Variants in SARNP observed in about 807,000 individuals in gnomAD.
SARNP encodes the protein SAP domain-containing ribonucleoprotein.
A neutral mutation model predicts 38.1 loss-of-function variants in SARNP; 5 were observed. The ratio of observed to expected loss-of-function variants is 0.13; its 90% CI spans 0.07 to 0.28. The LOEUF (loss-of-function observed/expected upper bound fraction) is 0.28. SARNP is among the 10% of genes least tolerant of loss of function. SARNP has a pLI of 1.00. For missense variants in SARNP, 180 were observed against 243.9 expected (o/e 0.74, Z 1.75); for synonymous variants, 84 against 80.6 (o/e 1.04, Z -0.23).
At chr12:55,800,292 A>C (rs1241052709) in intron 4 of SARNP, among the ~76,000 whole-genome samples, 2 of 152,194 alleles carry the variant, frequency 1.3e-5, no homozygotes, top group African/African-American at 4.8e-5. Context: ...GTGACCCTAC[A>C]AAAGAACAAC....
chr12:55,780,506 G>C (rs191980843), intron 9 of SARNP, among the ~76,000 whole-genome samples: 7 of 150,838 alleles, frequency 4.6e-5, no homozygotes, highest in African/African-American at 1.7e-4. Context: ...GAAAAGAAAA[G>C]AAAAGAAAGA....
At chr12:55,761,437 C>T (rs543344219) in intron 9 of SARNP, 1 of 152,302 alleles carries the variant, frequency 6.6e-6, no homozygotes, top group Non-Finnish European at 1.5e-5. Context: ...CCAGCAAAGC[C>T]ATAGAAGGCT....
intron 9 of SARNP, among the ~76,000 whole-genome samples, chr12:55,776,769 A>AT (rs1879194749): frequency 6.6e-6 from 1 of 152,214 alleles, no homozygotes; most frequent in Admixed American, 6.5e-5. Context: ...ATATAATGTA[A>AT]TTTTTAAAAT....
intron 10 of SARNP, among the ~76,000 whole-genome samples, chr12:55,758,738 C>T (rs1477375734): frequency 1.3e-5 from 2 of 152,056 alleles, no homozygotes; most frequent in African/African-American, 4.8e-5. Flanking sequence ...TAAGGCCTTC[C>T]ACCATGATTG....
intron 1 of SARNP, among the ~76,000 whole-genome samples, chr12:55,811,050 C>A (rs1324539512): frequency 6.7e-6 from 1 of 150,364 alleles, no homozygotes; most frequent in Non-Finnish European, 1.5e-5. Flanking sequence ...CCACTGCACT[C>A]CAGCCTGGGT....
At chr12:55,799,622 C>T (rs565823009) in intron 4 of SARNP, among the ~76,000 whole-genome samples, 7 of 147,696 alleles carry the variant, frequency 4.7e-5, no homozygotes, top group African/African-American at 1.5e-4. Context: ...GCCACAGTCT[C>T]GGCTCACTGC....
chr12:55,809,893 G>C (rs1880274558), intron 1 of SARNP, among the ~76,000 whole-genome samples: 1 of 152,238 alleles, frequency 6.6e-6, no homozygotes, highest in South Asian at 2.1e-4. Flanking sequence ...GGTTGAATCT[G>C]AGAAGAGGAA....
At chr12:55,773,649 C>T (rs1879076307) in intron 9 of SARNP, among the ~76,000 whole-genome samples, 1 of 152,174 alleles carries the variant, frequency 6.6e-6, no homozygotes, top group African/African-American at 2.4e-5. Flanking sequence ...TTTTTTCCTA[C>T]AGAACTGACA....
intron 9 of SARNP, among the ~76,000 whole-genome samples, chr12:55,779,432 G>A (rs1327886852): frequency 6.6e-6 from 1 of 152,206 alleles, no homozygotes; most frequent in Non-Finnish European, 1.5e-5. Context: ...AGGCACTGCT[G>A]CTTGAGTATA....
chr12:55,764,767 G>T (rs377418584), intron 9 of SARNP, among the ~76,000 whole-genome samples: 2 of 149,432 alleles, frequency 1.3e-5, no homozygotes, highest in African/African-American at 5.0e-5. Context: ...GAGAGGCGGA[G>T]GTTGCAGGGA....
intron 1 of SARNP, among the ~76,000 whole-genome samples, chr12:55,812,425 CTG>C (rs1192438124): frequency 6.6e-6 from 1 of 152,228 alleles, no homozygotes; most frequent in Non-Finnish European, 1.5e-5. Context: ...GATTTTGTCT[CTG>C]TTGTTCACTG....
intron 1 of SARNP, 52 bp from the exon 2 acceptor site, chr12:55,803,780 G>C: frequency 8.5e-7 from 1 of 1,176,718 alleles, no homozygotes; most frequent in African/African-American, 1.5e-5. Context: ...GAACACCAGT[G>C]AATAAAATGG....
intron 1 of SARNP, among the ~76,000 whole-genome samples, chr12:55,814,408 T>A (rs1880422180): frequency 6.6e-6 from 1 of 152,176 alleles, no homozygotes; most frequent in African/African-American, 2.4e-5. Flanking sequence ...ACCAATATAT[T>A]TCCTCACTTC....
chr12:55,772,299 T>C (rs962302927), intron 9 of SARNP, among the ~76,000 whole-genome samples: 2 of 152,164 alleles, frequency 1.3e-5, no homozygotes, highest in Admixed American at 1.3e-4. Context: ...ATCAACTTTC[T>C]AGGGCTGGTA....
intron 9 of SARNP, among the ~76,000 whole-genome samples, chr12:55,769,376 G>C (rs1285475062): frequency 2.6e-5 from 4 of 152,134 alleles, no homozygotes; most frequent in African/African-American, 7.2e-5. Flanking sequence ...AACTTCACGA[G>C]GCTTATGAAT....
chr12:55,810,150 T>C (rs974422814), intron 1 of SARNP, among the ~76,000 whole-genome samples: 1 of 152,212 alleles, frequency 6.6e-6, no homozygotes, highest in African/African-American at 2.4e-5. Flanking sequence ...TTTTGCTCTG[T>C]TGCCCAGACT....
intron 9 of SARNP, among the ~76,000 whole-genome samples, chr12:55,768,247 T>G (rs1308437725): frequency 6.6e-6 from 1 of 151,686 alleles, no homozygotes; most frequent in Non-Finnish European, 1.5e-5. Context: ...TGCCCCAGCC[T>G]CCCAAGTAGC....
intron 1 of SARNP, chr12:55,815,986 T>A (rs1433065607): frequency 6.6e-6 from 1 of 152,258 alleles, no homozygotes; most frequent in African/African-American, 2.4e-5. Context: ...GAGCAAGTCC[T>A]TTTTAGGCTG....
chr12:55,783,103 C>G (rs1478223122), intron 9 of SARNP, among the ~76,000 whole-genome samples: 2 of 152,050 alleles, frequency 1.3e-5, no homozygotes, highest in Non-Finnish European at 2.9e-5. Flanking sequence ...GAGTTAGACC[C>G]TGTCTTAAAA....
Sources: allele counts gnomAD v4.1 joint callset (sites outside exome capture counted in the v4.1 genomes callset), GRCh38; gene constraint gnomAD v4.1.1; transcripts MANE v1.5; gene names NCBI Gene and HGNC (gene_info 2026-07-23, HGNC 2026-07-21).